The following ERC1 variants were observed in gnomAD, a reference collection of about 807,000 sequenced individuals.
ERC1 encodes RAB6 interacting protein 2.
In ERC1, 56 loss-of-function variants were observed where a neutral mutation model predicts 132.0. The observed-to-expected ratio is 0.42, with a 90% CI of 0.34 to 0.53. The LOEUF (loss-of-function observed/expected upper bound fraction) is 0.53, where lower values mean the gene tolerates loss of function less well. Among genes scored for constraint, ERC1 ranks in the 20% least tolerant of loss-of-function variants. The pLI, the probability that ERC1 is intolerant of heterozygous loss-of-function variation, is 0.03. For missense variants in ERC1, 1,202 were observed against 1,349.9 expected (o/e 0.89, Z 1.72); for synonymous variants, 478 against 476.1 (o/e 1.00, Z -0.05).
chr12:1,485,463 A>G (rs756086519), intron 18 of ERC1, among the ~76,000 whole-genome samples: 5 of 152,106 alleles, frequency 3.3e-5, no homozygotes, highest in Admixed American at 1.3e-4. Flanking sequence ...TTGGCCTCCT[A>G]AAGTGCTGGG....
chr12:1,138,127 TTA>T (rs1259692524), intron 7 of ERC1, among the ~76,000 whole-genome samples: 8 of 120,232 alleles, frequency 6.7e-5, no homozygotes, highest in East Asian at 4.2e-4. Flanking sequence ...TTAATACATA[TTA>T]TATATAATAT....
chr12:1,108,786 C>T (rs1304329734), intron 4 of ERC1, among the ~76,000 whole-genome samples: 1 of 152,100 alleles, frequency 6.6e-6, no homozygotes, highest in Admixed American at 6.5e-5. Context: ...TTATAAAAGA[C>T]AGTTTTCATT....
chr12:1,113,284 T>C (rs1426791077), intron 6 of ERC1, among the ~76,000 whole-genome samples: 1 of 152,186 alleles, frequency 6.6e-6, no homozygotes, highest in Non-Finnish European at 1.5e-5. Context: ...AGCTAACACT[T>C]GCACACTTAC....
chr12:1,286,733 G>A (rs539156801), intron 14 of ERC1, among the ~76,000 whole-genome samples: 17 of 152,196 alleles, frequency 1.1e-4, no homozygotes, highest in African/African-American at 2.9e-4. Flanking sequence ...TTCAATTTCC[G>A]TAATCTGCAC....
chr12:1,224,070 A>G (rs1171440781), intron 12 of ERC1, among the ~76,000 whole-genome samples: 1 of 152,220 alleles, frequency 6.6e-6, no homozygotes, highest in Non-Finnish European at 1.5e-5. Flanking sequence ...TATACATTCC[A>G]GAAATACCCT....
At chr12:1,182,867 A>G (rs1057135345) in intron 10 of ERC1, among the ~76,000 whole-genome samples, 4 of 151,812 alleles carry the variant, frequency 2.6e-5, no homozygotes, top group East Asian at 1.9e-4. Context: ...GGGTCTTGCT[A>G]TGTTGCCCAG....
At chr12:1,104,069 T>G (rs1263701146) in intron 3 of ERC1, among the ~76,000 whole-genome samples, 1 of 151,412 alleles carries the variant, frequency 6.6e-6, no homozygotes, top group African/African-American at 2.4e-5. Flanking sequence ...TTTGGTAACC[T>G]GGAAGGCTCT....
At chr12:1,481,138 A>C (rs1195537118) in intron 18 of ERC1, among the ~76,000 whole-genome samples, 1 of 152,248 alleles carries the variant, frequency 6.6e-6, no homozygotes, top group African/African-American at 2.4e-5. Flanking sequence ...TGAATTGTTT[A>C]TTTCTGGAAT....
intron 17 of ERC1, among the ~76,000 whole-genome samples, chr12:1,440,600 TTGTGTGTGTGTGTGTGTGTGTGTG>T (rs56749397): frequency 0.017 from 864 of 51,148 alleles, 18 homozygotes; most frequent in South Asian, 0.032. Flanking sequence ...CCTCAGCCTT[TTGTGTGTGTGTGTGTGTGTGTGTG>T]TGTGTGTGTG....
At chr12:1,412,455 A>C (rs1170468885) in intron 17 of ERC1, among the ~76,000 whole-genome samples, 1 of 152,232 alleles carries the variant, frequency 6.6e-6, no homozygotes, top group African/African-American at 2.4e-5. Flanking sequence ...GGTAAAACGT[A>C]ACGCTTAAGA....
chr12:1,114,687 AG>A (rs1565995712), intron 6 of ERC1, among the ~76,000 whole-genome samples: 1 of 84,384 alleles, frequency 1.2e-5, no homozygotes, highest in Admixed American at 1.0e-4. Context: ...ACTATTTTGC[AG>A]GATGAATATA....
intron 18 of ERC1, among the ~76,000 whole-genome samples, chr12:1,447,237 A>T (rs561489780): frequency 6.6e-6 from 1 of 151,594 alleles, no homozygotes; most frequent in Non-Finnish European, 1.5e-5. Flanking sequence ...AAGCAGTGCT[A>T]CTGGGCACAG....
intron 14 of ERC1, among the ~76,000 whole-genome samples, chr12:1,279,097 A>T (rs1473534659): frequency 6.6e-6 from 1 of 152,174 alleles, no homozygotes; most frequent in African/African-American, 2.4e-5. Context: ...AGGAAGATAA[A>T]GCTAAAGATC....
Position 1,104,792 on chromosome 12 carries a change from A to G in ERC1, c.1129A>G (p.Thr377Ala). 2 of 1,613,542 alleles carry G rather than the reference A, an allele frequency of 1.2e-6. No homozygotes were observed. The highest frequency in any genetic ancestry group is 1.7e-6 in the Non-Finnish European group (2 of 1,179,450). Residue 377 changes from threonine (T) to alanine (A), a missense_variant, in exon 4 of 19, where the codon ACA becomes GCA. Physicochemically the swap from Thr to Ala is moderately conservative, Grantham distance 58. Coordinates refer to ENST00000360905, the MANE Select transcript of ERC1 (RefSeq NM_178040.4). The stretch of plus-strand genomic sequence containing the variant: ...TGAGAATGCTCCTGATTCTGCCAAA[A>G]CAAAAGCTCTGCAAACTGTTATTGA... ...RFENAPDSAK[T>A]KALQTVIEMK...
intron 15 of ERC1, among the ~76,000 whole-genome samples, chr12:1,368,693 G>A (rs1465053794): frequency 6.6e-6 from 1 of 152,046 alleles, no homozygotes; most frequent in Non-Finnish European, 1.5e-5. Flanking sequence ...TTTTCAAGAG[G>A]TTGTTCTCCC....
intron 15 of ERC1, among the ~76,000 whole-genome samples, chr12:1,339,293 T>C (rs1191167574): frequency 2.1e-4 from 26 of 126,772 alleles, no homozygotes; most frequent in South Asian, 5.4e-4. Context: ...AGGCATTCAC[T>C]GCAGTGGCAG....
At chr12:1,331,867 T>C (rs1595048922) in intron 15 of ERC1, among the ~76,000 whole-genome samples, 1 of 152,204 alleles carries the variant, frequency 6.6e-6, no homozygotes. Context: ...GCTTTCTAGA[T>C]CTCTCCTTAT....
intron 18 of ERC1, among the ~76,000 whole-genome samples, chr12:1,464,981 C>G (rs2093716213): frequency 6.6e-6 from 1 of 151,756 alleles, no homozygotes; most frequent in African/African-American, 2.4e-5. Flanking sequence ...TTTTAGCTGC[C>G]CTAATTGCTT....
At chr12:1,233,740 T>TA (rs147385378) in intron 12 of ERC1, among the ~76,000 whole-genome samples, 4,621 of 152,168 alleles carry the variant, frequency 0.03, 92 homozygotes, top group South Asian at 0.058. Context: ...ATTTCCTTTT[T>TA]AAAAAAATCA....
Sources: gnomAD v4.1 joint callset for allele counts (sites outside exome capture counted in the v4.1 genomes callset) on GRCh38, gnomAD v4.1.1 for gene constraint, MANE v1.5 for transcripts, NCBI Gene and HGNC (gene_info 2026-07-23, HGNC 2026-07-21) for gene names.